Variants in UST observed in about 807,000 individuals in gnomAD.
The protein encoded by UST is uronyl 2-sulfotransferase.
In UST, 21 loss-of-function variants were observed where a neutral mutation model predicts 45.6. The observed-to-expected ratio is 0.46, with a 90% CI of 0.33 to 0.66. The LOEUF (loss-of-function observed/expected upper bound fraction) is 0.66. Ranked by LOEUF, UST falls within the 30% of genes least tolerant of loss-of-function variation. The pLI, the probability that UST is intolerant of heterozygous loss-of-function variation, is 0.02. For missense variants in UST, 463 were observed against 512.4 expected (o/e 0.90, Z 0.93); for synonymous variants, 215 against 200.6 (o/e 1.07, Z -0.61).
intron 5 of UST, among the ~76,000 whole-genome samples, chr6:149,012,411 C>T (rs75576681): frequency 6.6e-6 from 1 of 152,194 alleles, no homozygotes. Flanking sequence ...TAAACTTGTA[C>T]TCTGATTACC....
intron 1 of UST, among the ~76,000 whole-genome samples, chr6:148,779,412 A>G (rs1364668943): frequency 1.3e-5 from 2 of 152,224 alleles, no homozygotes; most frequent in Non-Finnish European, 2.9e-5. Context: ...GATAAAGGAA[A>G]TCTCCAACTC....
intron 4 of UST, among the ~76,000 whole-genome samples, chr6:148,956,413 C>T (rs570264827): frequency 6.6e-6 from 1 of 152,278 alleles, no homozygotes; most frequent in East Asian, 1.9e-4. Context: ...GCGGAAATCC[C>T]TGATAAAACC....
chr6:149,030,462 A>G (rs1404805502), intron 7 of UST, among the ~76,000 whole-genome samples: 1 of 135,824 alleles, frequency 7.4e-6, no homozygotes, highest in Non-Finnish European at 1.6e-5. Context: ...AGCAACAGCA[A>G]GATCCTGTTT....
intron 5 of UST, among the ~76,000 whole-genome samples, chr6:149,003,590 G>T (rs1781593411): frequency 1.3e-5 from 2 of 152,212 alleles, no homozygotes; most frequent in Non-Finnish European, 2.9e-5. Context: ...CTATAATGGT[G>T]AGAATTAGTG....
chr6:148,841,576 G>GTTT (rs1385404214), intron 1 of UST, among the ~76,000 whole-genome samples: 1 of 125,198 alleles, frequency 8.0e-6, no homozygotes, highest in Non-Finnish European at 1.7e-5. Flanking sequence ...AAGGGGGTCT[G>GTTT]TTTTGTTTTT....
At chr6:148,990,960 C>A (rs1026629372) in intron 5 of UST, among the ~76,000 whole-genome samples, 7 of 152,122 alleles carry the variant, frequency 4.6e-5, no homozygotes, top group Non-Finnish European at 8.8e-5. Context: ...CTCTCCTAAG[C>A]CCTGGAACAG....
chr6:149,043,005 TTCTTTCTTTCTTTCTTTTTCTTTC>T (rs1562337747), intron 7 of UST, among the ~76,000 whole-genome samples: 2 of 117,342 alleles, frequency 1.7e-5, no homozygotes, highest in African/African-American at 8.2e-5. Context: ...CTTTCTTTCT[TTCTTTCTTTCTTTCTTTTTCTTTC>T]TTTCTTTCTT....
At chr6:149,005,251 T>G (rs1253246976) in intron 5 of UST, 7 of 979,208 alleles carry the variant, frequency 7.1e-6, no homozygotes, top group Non-Finnish European at 2.4e-6. Context: ...TCTGTGTATG[T>G]TGACGTTTCC....
intron 2 of UST, among the ~76,000 whole-genome samples, chr6:148,904,735 G>A (rs1270811873): frequency 6.6e-6 from 1 of 152,112 alleles, no homozygotes; most frequent in African/African-American, 2.4e-5. Flanking sequence ...TGTTGGACAG[G>A]CTGGTCTCGA....
intron 2 of UST, among the ~76,000 whole-genome samples, chr6:148,906,013 G>T (rs1779350945): frequency 2.0e-5 from 3 of 150,662 alleles, no homozygotes; most frequent in African/African-American, 5.0e-5. Context: ...TAATGGATAT[G>T]TACTAATTAT....
At chr6:148,847,310 T>C (rs1778009547) in intron 1 of UST, among the ~76,000 whole-genome samples, 1 of 152,252 alleles carries the variant, frequency 6.6e-6, no homozygotes, top group South Asian at 2.1e-4. Context: ...AAAGCTTGAC[T>C]GGGGAAGGAG....
intron 5 of UST, among the ~76,000 whole-genome samples, chr6:149,013,176 A>G (rs1338315219): frequency 6.6e-6 from 1 of 152,214 alleles, no homozygotes; most frequent in Non-Finnish European, 1.5e-5. Flanking sequence ...GCAGAGTAAA[A>G]GCCTTGTATT....
intron 1 of UST, among the ~76,000 whole-genome samples, chr6:148,807,012 A>G (rs550894178): frequency 4.6e-5 from 7 of 152,304 alleles, no homozygotes; most frequent in African/African-American, 1.7e-4. Context: ...TGTAGAGGGG[A>G]CATTAAACCA....
chr6:149,027,596 G>C (rs1389673335), intron 7 of UST: 2 of 152,180 alleles, frequency 1.3e-5, no homozygotes, highest in Non-Finnish European at 2.9e-5. Flanking sequence ...AAGTTTAGTT[G>C]TGGGGGTGGT....
At chr6:148,857,335 A>G (rs1301837887) in intron 1 of UST, among the ~76,000 whole-genome samples, 1 of 152,172 alleles carries the variant, frequency 6.6e-6, no homozygotes, top group East Asian at 1.9e-4. Flanking sequence ...CTGTAAATGT[A>G]TATTCCTTTT....
intron 2 of UST, among the ~76,000 whole-genome samples, chr6:148,889,668 C>T (rs1239946789): frequency 1.3e-5 from 2 of 152,126 alleles, no homozygotes; most frequent in Non-Finnish European, 2.9e-5. Flanking sequence ...GGTCTGAAGA[C>T]CCAGACCCTT....
At chr6:148,991,399 T>C (rs867258853) in intron 5 of UST, among the ~76,000 whole-genome samples, 40 of 152,196 alleles carry the variant, frequency 2.6e-4, no homozygotes, top group African/African-American at 8.2e-4. Context: ...CTAGGGTACA[T>C]GTGCACAATG....
At chr6:148,783,000 A>G (rs141074495) in intron 1 of UST, among the ~76,000 whole-genome samples, 74 of 152,334 alleles carry the variant, frequency 4.9e-4, no homozygotes, top group African/African-American at 1.8e-3. Context: ...GAGTACATCA[A>G]TGTGGCAAAC....
At chr6:148,774,273 TA>T (rs1404785275) in intron 1 of UST, among the ~76,000 whole-genome samples, 2 of 48,468 alleles carry the variant, frequency 4.1e-5, no homozygotes, top group East Asian at 7.0e-4. Flanking sequence ...GGTTATTTTA[TA>T]TATATATATA....
Sources: allele counts gnomAD v4.1 joint callset (sites outside exome capture counted in the v4.1 genomes callset), GRCh38; gene constraint gnomAD v4.1.1; transcripts MANE v1.5; gene names NCBI Gene and HGNC (gene_info 2026-07-23, HGNC 2026-07-21).